The following LDLRAD4 variants were observed in gnomAD, a reference collection of about 807,000 sequenced individuals.
LDLRAD4 encodes the protein low-density lipoprotein receptor class A domain-containing protein 4.
LDLRAD4 carries 5 observed loss-of-function variants against 17.0 expected under a neutral mutation model. The observed-to-expected ratio is 0.29, with a 90% CI of 0.15 to 0.62. The LOEUF (loss-of-function observed/expected upper bound fraction) is 0.62, where lower values mean the gene tolerates loss of function less well. Ranked by LOEUF, LDLRAD4 falls within the 20% of genes least tolerant of loss-of-function variation. LDLRAD4 has a pLI of 0.84. For synonymous variants in LDLRAD4, 168 were observed against 171.8 expected (o/e 0.98, Z 0.17); for missense variants, 340 against 424.7 (o/e 0.80, Z 1.75).
chr18:13,643,571 G>T (rs1790557876), intron 5 of LDLRAD4, among the ~76,000 whole-genome samples, 159 bp downstream of exon 6: 1 of 152,224 alleles, frequency 6.6e-6, no homozygotes, highest in African/African-American at 2.4e-5. Flanking sequence ...TCAAAAGCGG[G>T]AGGGGACTTC....
intron 1 of LDLRAD4, among the ~76,000 whole-genome samples, chr18:13,359,510 A>G (rs2083535634): frequency 6.6e-6 from 1 of 152,162 alleles, no homozygotes; most frequent in Non-Finnish European, 1.5e-5. Flanking sequence ...GTTTAAGACA[A>G]CTTGGAAAAA....
chr18:13,475,427 A>ATT (rs35255496), intron 3 of LDLRAD4, among the ~76,000 whole-genome samples: 58,613 of 130,502 alleles, frequency 0.45, 15,375 homozygotes, highest in Non-Finnish European at 0.57. Flanking sequence ...CACCCCGCTG[A>ATT]TTTTTTTTTT....
chr18:13,389,254 C>T (rs185394386), intron 2 of LDLRAD4, among the ~76,000 whole-genome samples: 168 of 152,052 alleles, frequency 1.1e-3, no homozygotes, highest in African/African-American at 3.8e-3. Flanking sequence ...CTCCTCCCCT[C>T]CAGGCAGGGA....
At chr18:13,508,533 A>G (rs28767549) in intron 3 of LDLRAD4, among the ~76,000 whole-genome samples, 57,501 of 152,080 alleles carry the variant, frequency 0.38, 11,926 homozygotes, top group Middle Eastern at 0.57. Flanking sequence ...ATTGCAGCCA[A>G]TGCTCATTTC....
At chr18:13,514,867 C>T (rs2093839654) in intron 3 of LDLRAD4, 1 of 152,202 alleles carries the variant, frequency 6.6e-6, no homozygotes, top group African/African-American at 2.4e-5. Context: ...TGCTCAAACC[C>T]ACCCTACACT....
intron 2 of LDLRAD4, among the ~76,000 whole-genome samples, chr18:13,391,896 A>T (rs1295780310): frequency 6.6e-6 from 1 of 152,198 alleles, no homozygotes; most frequent in African/African-American, 2.4e-5. Context: ...TAATATTTTC[A>T]TGTACATGTA....
chr18:13,404,285 C>T (rs1248669727), intron 2 of LDLRAD4, among the ~76,000 whole-genome samples: 4 of 152,196 alleles, frequency 2.6e-5, no homozygotes, highest in Non-Finnish European at 4.4e-5. Context: ...CCCGCTGTTT[C>T]CCCTGCCCCT....
At chr18:13,636,392 T>C (rs1041724956) in intron 4 of LDLRAD4, among the ~76,000 whole-genome samples, 2 of 151,860 alleles carry the variant, frequency 1.3e-5, no homozygotes, top group East Asian at 1.9e-4. Context: ...AACGGTCCAC[T>C]GTATTCATTC....
rs567426364 is a variant in LDLRAD4, at chr18:13,570,731, A to C, written c.182-50386A>C. Among the ~76,000 whole-genome samples the C allele has an allele frequency of 2.6e-5, 4 of 152,318 alleles. 1 individual carries two copies. The South Asian group carries it at 8.3e-4, about 32-fold the overall frequency. On this transcript the variant is annotated intron_variant, in intron 3 of 5. Transcript: ENST00000359446. The stretch of plus-strand genomic sequence containing the variant: ...AGGGCGAGCTCCACCTTGGTGACAG[A>C]AGGCGCAGCCCTCTGGCTGCCCTTT...
intron 3 of LDLRAD4, among the ~76,000 whole-genome samples, chr18:13,588,229 G>A (rs1371633709): frequency 2.0e-5 from 3 of 152,232 alleles, no homozygotes; most frequent in East Asian, 1.9e-4. Context: ...CTCACTGTGC[G>A]TGGGTAAGGG....
rs949844122 is a variant in LDLRAD4, at chr18:13,367,339, C to T, written c.-382-20002C>T. Among the ~76,000 whole-genome samples, 19 of 152,212 alleles carry T rather than the reference C, an allele frequency of 1.2e-4. 1 individual carries two copies. The East Asian group carries it at 1.4e-3, about 11-fold the overall frequency. The stretch of plus-strand genomic sequence containing the variant: ...GTGATTGGCAGGTGGGGCAGAGGGG[C>T]CTGGGAGATGAGGTCCCGCTGTGCA... On this transcript the variant is annotated intron_variant, in intron 1 of 5. Transcript: ENST00000359446. This position sits in a 1 kb window ranked among gnomAD's most constrained non-coding sequence, Gnocchi z 4.1.
chr18:13,472,705 A>G (rs1161048399), intron 3 of LDLRAD4: 1 of 152,228 alleles, frequency 6.6e-6, no homozygotes, highest in African/African-American at 2.4e-5. Flanking sequence ...CAATAAAATG[A>G]TTTCATTTAC....
In LDLRAD4 at chr18:13,297,842, C is replaced by T. The variant is rs115666540; in HGVS notation, c.-383+19654C>T. On this transcript the variant is annotated intron_variant, in intron 1 of 5. Coordinates refer to ENST00000359446, the Ensembl canonical transcript of LDLRAD4. ...TCCAGTGTTGAAGTCCCTACCAGGC[C>T]CATCGGTGGTATCTAAGATGCTGGA... Among the ~76,000 whole-genome samples, 1,162 of 152,294 alleles carry T rather than the reference C, an allele frequency of 7.6e-3. 21 individuals are homozygous for T. Among genetic ancestry groups the T allele is most frequent in the African/African-American group, 0.027 (1,103 of 41,544 alleles).
At chr18:13,255,794 G>A (rs1425598952) in intron 1 of LDLRAD4, among the ~76,000 whole-genome samples, 2 of 152,166 alleles carry the variant, frequency 1.3e-5, no homozygotes, top group East Asian at 3.9e-4. Flanking sequence ...GCACTGAGGT[G>A]GAGAGCTGGC....
chr18:13,625,577 C>T (rs1032618837), intron 4 of LDLRAD4, among the ~76,000 whole-genome samples: 3 of 152,270 alleles, frequency 2.0e-5, no homozygotes, highest in African/African-American at 7.2e-5. Context: ...GTGACTGCCC[C>T]GCTGCCTTCT....
intron 1 of LDLRAD4, among the ~76,000 whole-genome samples, chr18:13,348,799 C>T (rs1346894913): frequency 3.3e-5 from 5 of 152,178 alleles, no homozygotes; most frequent in African/African-American, 1.2e-4. Flanking sequence ...GCCTCGCTGC[C>T]ACCTTGCAGT....
chr18:13,315,769 A>G (rs913601172), intron 1 of LDLRAD4, among the ~76,000 whole-genome samples: 1 of 148,326 alleles, frequency 6.7e-6, no homozygotes, highest in African/African-American at 2.5e-5. Context: ...GGGCAACAAG[A>G]GTGAAACTCC....
chr18:13,339,213 T>C (rs973261547), intron 1 of LDLRAD4, among the ~76,000 whole-genome samples: 1 of 61,680 alleles, frequency 1.6e-5, no homozygotes, highest in African/African-American at 5.7e-5. Flanking sequence ...GTATCACTAC[T>C]TTTTTTTTTT....
At chr18:13,248,700 G>A (rs1435576076) in intron 1 of LDLRAD4, among the ~76,000 whole-genome samples, 1 of 152,160 alleles carries the variant, frequency 6.6e-6, no homozygotes, top group African/African-American at 2.4e-5. Flanking sequence ...TATGTGTCGT[G>A]ATCAGATCAG....
Sources: gnomAD v4.1 joint callset for allele counts (sites outside exome capture counted in the v4.1 genomes callset) on GRCh38, gnomAD v4.1.1 for gene constraint, Gnocchi (gnomAD v3.1) non-coding constraint, MANE v1.5 for transcripts, NCBI Gene and HGNC (gene_info 2026-07-23, HGNC 2026-07-21) for gene names.